Variants in CADM2 observed in about 807,000 individuals in gnomAD.
The protein encoded by CADM2 is immunoglobulin superfamily member 4D.
A neutral mutation model predicts 49.8 loss-of-function variants in CADM2; 12 were observed. The ratio of observed to expected loss-of-function variants is 0.24; its 90% CI spans 0.15 to 0.39. The LOEUF (loss-of-function observed/expected upper bound fraction) is 0.39. Ranked by LOEUF, CADM2 falls within the 10% of genes least tolerant of loss-of-function variation. The probability of loss-of-function intolerance (pLI) is 1.00; values close to 1 mark genes in which losing one functional copy is unlikely to be tolerated. For missense variants in CADM2, 378 were observed against 492.3 expected (o/e 0.77, Z 2.20); for synonymous variants, 214 against 175.4 (o/e 1.22, Z -1.74).
chr3:85,839,862 A>G (rs2074563641), intron 3 of CADM2, among the ~76,000 whole-genome samples: 1 of 151,920 alleles, frequency 6.6e-6, no homozygotes, highest in Admixed American at 6.6e-5. Flanking sequence ...GAACCATTTT[A>G]TCATTGCCAT....
chr3:85,375,235 C>A (rs1473020044), intron 1 of CADM2, among the ~76,000 whole-genome samples: 1 of 152,078 alleles, frequency 6.6e-6, no homozygotes, highest in East Asian at 1.9e-4. Flanking sequence ...GAATACTATG[C>A]CAAATTGATA....
At chr3:85,376,078 A>G (rs1029903215) in intron 1 of CADM2, among the ~76,000 whole-genome samples, 3 of 152,240 alleles carry the variant, frequency 2.0e-5, no homozygotes, top group Admixed American at 6.5e-5. Flanking sequence ...AATTTAACAG[A>G]TAATAAAACT....
At chr3:84,972,150 A>G (rs1437074126) in intron 1 of CADM2, among the ~76,000 whole-genome samples, 1 of 152,222 alleles carries the variant, frequency 6.6e-6, no homozygotes, top group Admixed American at 6.5e-5. Context: ...TGAGCAAGTT[A>G]CTTCTCTTGT....
intron 4 of CADM2, among the ~76,000 whole-genome samples, chr3:85,884,827 C>A (rs577920746): frequency 1.3e-5 from 2 of 150,390 alleles, no homozygotes; most frequent in African/African-American, 4.9e-5. Context: ...CAAGTTCAAG[C>A]GATTCTCCTG....
intron 1 of CADM2, among the ~76,000 whole-genome samples, chr3:85,480,058 G>T (rs1346207039): frequency 6.6e-6 from 1 of 151,648 alleles, no homozygotes; most frequent in Non-Finnish European, 1.5e-5. Context: ...CTAATTGAAG[G>T]TTATGGCTTT....
chr3:85,317,500 T>A (rs1046274363), intron 1 of CADM2, among the ~76,000 whole-genome samples: 10 of 152,206 alleles, frequency 6.6e-5, no homozygotes, highest in Admixed American at 1.3e-4. Flanking sequence ...GGAAAAAAAA[T>A]TATTTTCTCA....
chr3:86,032,217 C>T (rs982981821), intron 8 of CADM2, among the ~76,000 whole-genome samples: 4 of 151,712 alleles, frequency 2.6e-5, no homozygotes, highest in South Asian at 2.1e-4. Flanking sequence ...AAATTCCTTT[C>T]GTCCAATTTG....
At chr3:85,175,028 C>T (rs775156463) in intron 1 of CADM2, among the ~76,000 whole-genome samples, 1 of 152,006 alleles carries the variant, frequency 6.6e-6, no homozygotes, top group Non-Finnish European at 1.5e-5. Context: ...AAAATATGAT[C>T]AATATCACTA....
At chr3:85,176,663 C>T (rs1188041354) in intron 1 of CADM2, among the ~76,000 whole-genome samples, 1 of 151,924 alleles carries the variant, frequency 6.6e-6, no homozygotes, top group African/African-American at 2.4e-5. Flanking sequence ...TATTAATTAC[C>T]CATCCATAAA....
intron 1 of CADM2, among the ~76,000 whole-genome samples, chr3:85,402,319 A>G (rs1416143461): frequency 6.6e-6 from 1 of 151,992 alleles, no homozygotes; most frequent in African/African-American, 2.4e-5. Flanking sequence ...TAAATATATA[A>G]GTTCTATTAT....
At chr3:85,651,265 A>G (rs1051761854) in intron 1 of CADM2, among the ~76,000 whole-genome samples, 24 of 152,132 alleles carry the variant, frequency 1.6e-4, no homozygotes, top group African/African-American at 5.8e-4. Context: ...TTTCATTGCT[A>G]TTCTTGAGTT....
intron 1 of CADM2, among the ~76,000 whole-genome samples, chr3:85,151,566 A>G (rs2039923328): frequency 6.6e-6 from 1 of 152,190 alleles, no homozygotes; most frequent in Non-Finnish European, 1.5e-5. Context: ...GCAGCCGATT[A>G]AAATCAACCT....
intron 1 of CADM2, among the ~76,000 whole-genome samples, chr3:85,179,387 T>C (rs76934393): frequency 0.029 from 4,410 of 152,118 alleles, 201 homozygotes; most frequent in African/African-American, 0.098. Context: ...GTGCATGAGA[T>C]TTAATATATG....
intron 3 of CADM2, among the ~76,000 whole-genome samples, chr3:85,853,581 A>ACTTCGAAAAAGT (rs1357689374): frequency 1.1e-4 from 16 of 152,130 alleles, no homozygotes; most frequent in African/African-American, 3.9e-4. Flanking sequence ...TACCACTTAT[A>ACTTCGAAAAAGT]AATTTGTAAT....
At chr3:85,705,230 T>TG (rs1466541095) in intron 1 of CADM2, among the ~76,000 whole-genome samples, 3 of 116,100 alleles carry the variant, frequency 2.6e-5, no homozygotes, top group South Asian at 3.1e-4. Flanking sequence ...GTTTTCATCA[T>TG]GAAAAAAAAA....
chr3:85,404,282 T>C (rs1252192210), intron 1 of CADM2, among the ~76,000 whole-genome samples: 1 of 152,124 alleles, frequency 6.6e-6, no homozygotes, highest in African/African-American at 2.4e-5. Context: ...CTTTGTGAGA[T>C]GACTTTGTGC....
intron 8 of CADM2, among the ~76,000 whole-genome samples, chr3:86,009,001 G>A (rs1035742346): frequency 1.3e-5 from 2 of 150,658 alleles, no homozygotes; most frequent in East Asian, 3.9e-4. Context: ...TGTAGCTCTC[G>A]CTGAAAATAA....
chr3:85,948,115 G>T (rs1019962548), intron 7 of CADM2, among the ~76,000 whole-genome samples: 3 of 151,360 alleles, frequency 2.0e-5, no homozygotes, highest in Middle Eastern at 3.2e-3. Context: ...TAATTTTTGA[G>T]ATTACATTTA....
chr3:85,685,245 T>C (rs1577081990), intron 1 of CADM2, among the ~76,000 whole-genome samples: 1 of 152,174 alleles, frequency 6.6e-6, no homozygotes, highest in Non-Finnish European at 1.5e-5. Flanking sequence ...AAAGATAGGG[T>C]AAGTGTGTCA....
Sources: allele counts gnomAD v4.1 joint callset (sites outside exome capture counted in the v4.1 genomes callset), GRCh38; gene constraint gnomAD v4.1.1; transcripts MANE v1.5; gene names NCBI Gene and HGNC (gene_info 2026-07-23, HGNC 2026-07-21).